CDHR3: variants seen among roughly 807,000 people sequenced by gnomAD.
CDHR3 encodes cadherin-related family member 3.
A neutral mutation model predicts 86.6 loss-of-function variants in CDHR3; 79 were observed. The observed-to-expected ratio is 0.91, with a 90% CI of 0.76 to 1.10. The LOEUF (loss-of-function observed/expected upper bound fraction) is 1.10, where lower values mean the gene tolerates loss of function less well. Ranked by LOEUF, CDHR3 falls within the 50% of genes least tolerant of loss-of-function variation. The probability of loss-of-function intolerance (pLI) is 0.00; values close to 1 mark genes in which losing one functional copy is unlikely to be tolerated. For synonymous variants in CDHR3, 421 were observed against 402.4 expected (o/e 1.05, Z -0.55); for missense variants, 1,081 against 1,077.6 (o/e 1.00, Z -0.04).
At chr7:106,015,067 G>A (rs1835380331) in intron 9 of CDHR3, 44 bp from the exon 10 acceptor site, 4 of 1,468,732 alleles carry the variant, frequency 2.7e-6, no homozygotes, top group Non-Finnish European at 1.9e-6. Context: ...CCAATAAATA[G>A]GATTGTTTAA....
chr7:105,980,268 T>A (rs936647322), intron 2 of CDHR3, among the ~76,000 whole-genome samples: 4 of 152,238 alleles, frequency 2.6e-5, no homozygotes, highest in Non-Finnish European at 2.9e-5. Context: ...ATTCTTTTTT[T>A]AAATTTTTTA....
At chr7:106,011,643 G>A (rs931787349) in intron 8 of CDHR3, among the ~76,000 whole-genome samples, 11 of 152,176 alleles carry the variant, frequency 7.2e-5, no homozygotes, top group Non-Finnish European at 1.6e-4. Context: ...TTGGGACAGT[G>A]TGTTATGTAG....
chr7:106,025,812 C>T (rs1235244596), intron 15 of CDHR3, among the ~76,000 whole-genome samples: 6 of 152,120 alleles, frequency 3.9e-5, no homozygotes, highest in African/African-American at 4.8e-5. Context: ...AAGAAATCCT[C>T]GAGCATCTGC....
chr7:105,989,810 C>T (rs1168629509), intron 4 of CDHR3, among the ~76,000 whole-genome samples: 4 of 152,160 alleles, frequency 2.6e-5, no homozygotes, highest in Admixed American at 2.6e-4. Flanking sequence ...TCTGTTCTGG[C>T]AAGTTCTGCC....
At chr7:105,981,914 T>G (rs1016924729) in intron 3 of CDHR3, among the ~76,000 whole-genome samples, 16 of 152,096 alleles carry the variant, frequency 1.1e-4, no homozygotes, top group African/African-American at 3.6e-4. Flanking sequence ...TGAAATCCTT[T>G]AGGAAATCTT....
intron 1 of CDHR3, among the ~76,000 whole-genome samples, chr7:105,972,145 T>C (rs1828077294): frequency 6.6e-6 from 1 of 152,058 alleles, no homozygotes. Context: ...TAATCTCAGA[T>C]GTGTGCAATG....
chr7:106,025,614 A>G (rs1450865086), intron 15 of CDHR3, among the ~76,000 whole-genome samples: 1 of 152,178 alleles, frequency 6.6e-6, no homozygotes, highest in Non-Finnish European at 1.5e-5. Context: ...TCAATGGCAA[A>G]AAGAGGGGGT....
chr7:106,024,904 C>A (rs1041843185), intron 15 of CDHR3, among the ~76,000 whole-genome samples: 1 of 152,148 alleles, frequency 6.6e-6, no homozygotes, highest in African/African-American at 2.4e-5. Context: ...TAGAATATGC[C>A]GTGCTCTTAT....
chr7:105,995,830 C>A (rs1050850101), intron 5 of CDHR3, among the ~76,000 whole-genome samples: 3 of 152,108 alleles, frequency 2.0e-5, no homozygotes, highest in African/African-American at 7.2e-5. Context: ...AAGTGGATGA[C>A]AACACATTGG....
chr7:105,963,663 A>T (rs1232758642), intron 1 of CDHR3, among the ~76,000 whole-genome samples: 1 of 152,170 alleles, frequency 6.6e-6, no homozygotes, highest in African/African-American at 2.4e-5. Flanking sequence ...GGTTGGGAAA[A>T]TAGTGTTCAT....
intron 12 of CDHR3, among the ~76,000 whole-genome samples, chr7:106,018,779 C>T (rs1836064404): frequency 6.6e-6 from 1 of 152,102 alleles, no homozygotes; most frequent in Non-Finnish European, 1.5e-5. Flanking sequence ...TGTTCCTACC[C>T]TGCCTCTATG....
chr7:106,000,358 C>T (rs891155470), intron 6 of CDHR3, among the ~76,000 whole-genome samples: 1 of 152,236 alleles, frequency 6.6e-6, no homozygotes, highest in Non-Finnish European at 1.5e-5. Context: ...CTTTCTCTGA[C>T]TGCCCCTGAC....
rs759754834 is a variant in CDHR3, at chr7:106,030,518, A to G, written c.2305-274A>G. ...CAAGTGTGGTTTAAATGTCCCCTCT[A>G]CCCCTACCTGTGCCCCATAACACCC... On this transcript the variant is annotated intron_variant, in intron 17 of 18. Coordinates refer to ENST00000317716, the MANE Select transcript of CDHR3 (RefSeq NM_152750.5). This position sits in a 1 kb window ranked among gnomAD's most constrained non-coding sequence, Gnocchi z 4.8. 6.6e-6 allele frequency among the ~76,000 whole-genome samples: 1 copy of G among 151,944 alleles called. No homozygotes were observed. The highest frequency in any genetic ancestry group is 2.4e-5 in the African/African-American group (1 of 41,334).
chr7:105,996,109 A>T, intron 5 of CDHR3, 141 bp from the exon 6 acceptor site: 1 of 573,878 alleles, frequency 1.7e-6, no homozygotes, highest in Non-Finnish European at 3.2e-6. Flanking sequence ...AGGCCCTGAG[A>T]CTGTGGGGGC....
Position 106,030,312 on chromosome 7 carries a change from G to A in CDHR3, c.2305-480G>A, listed in dbSNP as rs749491494. Among the ~76,000 whole-genome samples the A allele has an allele frequency of 3.6e-4, 55 of 152,196 alleles. No homozygotes were observed. Among genetic ancestry groups the A allele is most frequent in the Admixed American group, 6.5e-4 (10 of 15,282 alleles). On this transcript the variant is annotated intron_variant, in intron 17 of 18. Coordinates refer to ENST00000317716, the MANE Select transcript of CDHR3 (RefSeq NM_152750.5). This position sits in a 1 kb window ranked among gnomAD's most constrained non-coding sequence, Gnocchi z 4.8. The stretch of plus-strand genomic sequence containing the variant: ...GCATTGGCCTAGGCAAGGGGAGGCC[G>A]CAGGGGAGGGCCAGAGTGCCAGGGC...
intron 4 of CDHR3, among the ~76,000 whole-genome samples, chr7:105,988,810 CAAAAT>C (rs1179565596): frequency 1.3e-5 from 2 of 152,264 alleles, no homozygotes; most frequent in Non-Finnish European, 1.5e-5. Flanking sequence ...GAAAGTAAAA[CAAAAT>C]AAATGAAATT....
At chr7:106,019,831 C>A (rs1836274902) in intron 12 of CDHR3, among the ~76,000 whole-genome samples, 1 of 152,196 alleles carries the variant, frequency 6.6e-6, no homozygotes, top group South Asian at 2.1e-4. Flanking sequence ...AGGGCCCTGA[C>A]CCCCACCCTC....
Position 106,001,573 on chromosome 7 carries a change from C to T in CDHR3, c.825C>T (p.Ser275=), listed in dbSNP as rs1405831681. ...GTTTTCCCAGCCACCTCCTCTACAG[C>T]ATTACCACTGTTAGCAAATATTTCA... ...DEGFPSHLLY[S]ITTVSKYFMI... Residue 275 remains serine (S), a synonymous_variant, in exon 7 of 19, where the codon AGC becomes AGT. Transcript: ENST00000317716. 9 of 1,614,024 alleles carry T rather than the reference C, an allele frequency of 5.6e-6. No homozygotes were observed. Among genetic ancestry groups the T allele is most frequent in the Non-Finnish European group, 7.6e-6 (9 of 1,179,898 alleles).
chr7:106,028,691 G>C, intron 17 of CDHR3, 109 bp downstream of exon 17: 1 of 1,200,430 alleles, frequency 8.3e-7, no homozygotes, highest in South Asian at 1.4e-5. Flanking sequence ...TATCATTCAG[G>C]GAGGTGCTTG....
Sources: gnomAD v4.1 joint callset for allele counts (sites outside exome capture counted in the v4.1 genomes callset) on GRCh38, gnomAD v4.1.1 for gene constraint, Gnocchi (gnomAD v3.1) non-coding constraint, MANE v1.5 for transcripts, NCBI Gene and HGNC (gene_info 2026-07-23, HGNC 2026-07-21) for gene names.